UGGT2: variants seen among roughly 807,000 people sequenced by gnomAD.
The protein encoded by UGGT2 is UDP-glucose glycoprotein glucosyltransferase 2, also known as UDP-glucose:glycoprotein glucosyltransferase 2.
Under a neutral mutation model 192.1 loss-of-function variants are expected in UGGT2, and 180 were observed. The observed-to-expected ratio is 0.94, with a 90% confidence interval of 0.83 to 1.06. The LOEUF (loss-of-function observed/expected upper bound fraction) is 1.06. Among genes scored for constraint, UGGT2 ranks in the 50% least tolerant of loss-of-function variants. UGGT2 has a pLI of 0.00. For synonymous variants in UGGT2, 580 were observed against 591.0 expected, an observed-to-expected ratio of 0.98 and a Z score of 0.27; for missense variants, 1,849 against 1,795.7, an observed-to-expected ratio of 1.03 and a Z score of -0.54.
chr13:95,985,225 A>T (rs2051252401), intron 9 of UGGT2: 2 of 1,129,822 alleles, frequency 1.8e-6, no homozygotes. Flanking sequence ...AACAGATATG[A>T]CATTTATACA....
intron 11 of UGGT2, among the ~76,000 whole-genome samples, chr13:95,971,972 C>T (rs1291010275): frequency 1.3e-5 from 2 of 152,106 alleles, no homozygotes; most frequent in African/African-American, 2.4e-5. Flanking sequence ...ATCCTAAGTT[C>T]ATCTAATGTT....
At chr13:95,950,239 T>C (rs1233940753) in intron 12 of UGGT2, among the ~76,000 whole-genome samples, 1 of 152,066 alleles carries the variant, frequency 6.6e-6, no homozygotes, top group African/African-American at 2.4e-5. Context: ...CACATATACA[T>C]GGTAACACCT....
intron 30 of UGGT2, among the ~76,000 whole-genome samples, chr13:95,865,904 T>G (rs1350957348): frequency 6.6e-6 from 1 of 152,226 alleles, no homozygotes; most frequent in Non-Finnish European, 1.5e-5. Flanking sequence ...TATTCTATTG[T>G]TAACCCCATT....
chr13:95,913,937 G>C (rs2048589917), intron 20 of UGGT2, among the ~76,000 whole-genome samples: 1 of 152,106 alleles, frequency 6.6e-6, no homozygotes, highest in Non-Finnish European at 1.5e-5. Flanking sequence ...TCCTTTGCCG[G>C]GACATGGATG....
chr13:95,927,357 T>C, intron 17 of UGGT2, 21 bp from the exon 18 acceptor site: 2 of 1,584,698 alleles, frequency 1.3e-6, no homozygotes, highest in Non-Finnish European at 1.7e-6. Context: ...AAAAATGTTA[T>C]TTAGATAATA....
At chr13:95,839,912 A>G (rs1212534540) in intron 36 of UGGT2, among the ~76,000 whole-genome samples, 1 of 152,216 alleles carries the variant, frequency 6.6e-6, no homozygotes, top group Middle Eastern at 3.4e-3. Context: ...TCATGTGTTT[A>G]TTGGACATTT....
intron 24 of UGGT2, among the ~76,000 whole-genome samples, chr13:95,893,270 A>G (rs772810820): frequency 7.9e-5 from 12 of 152,176 alleles, no homozygotes; most frequent in Non-Finnish European, 1.5e-4. Context: ...GTGTTTTAAC[A>G]TATTTAATTA....
intron 36 of UGGT2, among the ~76,000 whole-genome samples, chr13:95,843,472 T>C (rs1299083814): frequency 1.3e-5 from 2 of 152,148 alleles, no homozygotes; most frequent in African/African-American, 4.8e-5. Context: ...ATTAATAAGT[T>C]TTGGGAGCTC....
At chr13:95,907,854 C>A (rs1594291490) in intron 20 of UGGT2, among the ~76,000 whole-genome samples, 2 of 152,356 alleles carry the variant, frequency 1.3e-5, no homozygotes, top group East Asian at 3.9e-4. Flanking sequence ...CAAAGGATCG[C>A]AGCTCCTCGC....
chr13:95,986,502 A>G (rs2051293849), intron 8 of UGGT2, 70 bp from the exon 9 acceptor site: 4 of 1,127,796 alleles, frequency 3.5e-6, no homozygotes, highest in Non-Finnish European at 3.8e-6. Flanking sequence ...CATGAAATTG[A>G]AATACTTGAC....
chr13:95,978,374 G>C (rs1292122966), intron 10 of UGGT2, among the ~76,000 whole-genome samples: 1 of 151,984 alleles, frequency 6.6e-6, no homozygotes, highest in African/African-American at 2.4e-5. Context: ...TTTAAAATTA[G>C]ATTATTCATT....
intron 38 of UGGT2, among the ~76,000 whole-genome samples, chr13:95,824,366 A>T (rs1241165393): frequency 6.6e-6 from 1 of 152,162 alleles, no homozygotes; most frequent in East Asian, 1.9e-4. Flanking sequence ...GTTTTCCTCA[A>T]TTATTCCCTC....
rs1275875317 is a variant in UGGT2 at position 95,900,804 on chromosome 13, T to C, written c.2634+3A>G. 1 of 1,604,726 alleles carries C rather than the reference T, an allele frequency of 6.2e-7. No individual in the cohort carries two copies. The highest frequency in any genetic ancestry group is 1.3e-5 in the African/African-American group (1 of 74,500). Reference sequence around the variant, plus strand: ...AAAGAGAGCAATAGCTTTTTCTACTTACTCTCCCATTGCTGACAATACCCA... The same window carrying C: ...AAAGAGAGCAATAGCTTTTTCTACTCACTCTCCCATTGCTGACAATACCCA... On this transcript the variant is annotated splice_donor_region_variant and intron_variant, in intron 22 of 38. Coordinates refer to ENST00000376747, the MANE Select transcript of UGGT2 (RefSeq NM_020121.4).
intron 36 of UGGT2, among the ~76,000 whole-genome samples, chr13:95,837,803 T>C (rs1344685811): frequency 6.6e-6 from 1 of 152,176 alleles, no homozygotes; most frequent in Non-Finnish European, 1.5e-5. Flanking sequence ...CCTTTCCCTA[T>C]AGAAGATCTG....
At position 95,953,336 on chromosome 13, in the gene UGGT2, C is replaced by T. The variant is rs867488950; in HGVS notation, c.1336-3882G>A. 1.3e-3 allele frequency among the ~76,000 whole-genome samples: 202 copies of T among 152,234 alleles called. 11 individuals carry two copies. The highest frequency in any genetic ancestry group is 2.1e-3 in the South Asian group (10 of 4,818). On this transcript the variant is annotated intron_variant, in intron 12 of 38. Coordinates refer to ENST00000376747, the MANE Select transcript of UGGT2 (RefSeq NM_020121.4). ...TTCCGTAAGAAAAATTTTGCAATGT[C>T]TTTTTCTTTTCAGAGAGCTGAAGGA...
chr13:95,951,418 T>C lies in UGGT2; in HGVS notation c.1336-1964A>G, dbSNP rs929055402. ...AGGAAGATATAGGTGCAGAGGAGTC[T>C]AGCCCCAAAGGGGAAACAGGCCTTA... On this transcript the variant is annotated intron_variant, in intron 12 of 38. Transcript: ENST00000376747. Among the ~76,000 whole-genome samples, 8 of 152,358 alleles carry C rather than the reference T, an allele frequency of 5.3e-5. No individual in the cohort carries two copies. The East Asian group carries it at 1.2e-3, about 22-fold the overall frequency.
At chr13:95,805,743 G>A (rs1236611202) in intron 38 of UGGT2, among the ~76,000 whole-genome samples, 3 of 152,098 alleles carry the variant, frequency 2.0e-5, no homozygotes, top group African/African-American at 7.2e-5. Flanking sequence ...AATTCACAGA[G>A]TAGAATGATG....
At chr13:95,822,735 G>C (rs1371870072) in intron 38 of UGGT2, among the ~76,000 whole-genome samples, 1 of 151,852 alleles carries the variant, frequency 6.6e-6, no homozygotes, top group African/African-American at 2.4e-5. Flanking sequence ...TATCAATTTT[G>C]TTTATCTTTT....
intron 20 of UGGT2, among the ~76,000 whole-genome samples, chr13:95,921,559 T>C (rs1400515692): frequency 6.6e-6 from 1 of 151,620 alleles, no homozygotes; most frequent in Non-Finnish European, 1.5e-5. Context: ...AACTGGCTAG[T>C]AAACACAGAA....
Sources: gnomAD v4.1 joint callset for allele counts (sites outside exome capture counted in the v4.1 genomes callset) on GRCh38, gnomAD v4.1.1 for gene constraint, MANE v1.5 for transcripts, NCBI Gene and HGNC (gene_info 2026-07-23, HGNC 2026-07-21) for gene names.